DPP10: variants seen among roughly 807,000 people sequenced by gnomAD.
DPP10 encodes the protein inactive dipeptidyl peptidase 10.
DPP10 carries 33 observed loss-of-function variants against 120.9 expected under a neutral mutation model. That is an observed-to-expected ratio of 0.27 (90% CI 0.21 to 0.37). The LOEUF (loss-of-function observed/expected upper bound fraction) is 0.37. Among genes scored for constraint, DPP10 ranks in the 10% least tolerant of loss-of-function variants. DPP10 has a pLI of 1.00. For missense variants in DPP10, 816 were observed against 942.8 expected, an observed-to-expected ratio of 0.87 and a Z score of 1.76; for synonymous variants, 337 against 326.1, an observed-to-expected ratio of 1.03 and a Z score of -0.36.
At chr2:115,676,490 AAGAT>A (rs1435580864) in intron 5 of DPP10, among the ~76,000 whole-genome samples, 1 of 152,214 alleles carries the variant, frequency 6.6e-6, no homozygotes, top group Non-Finnish European at 1.5e-5. Context: ...ATTCAATAAA[AAGAT>A]AGCTGTATTA....
intron 1 of DPP10, among the ~76,000 whole-genome samples, chr2:114,564,624 C>T (rs1029072574): frequency 7.9e-5 from 12 of 151,310 alleles, no homozygotes; most frequent in Admixed American, 7.2e-4. Flanking sequence ...CCACTGGTAC[C>T]AAGGTATTAA....
intron 1 of DPP10, among the ~76,000 whole-genome samples, chr2:114,570,279 G>T (rs754161780): frequency 6.6e-6 from 1 of 152,094 alleles, no homozygotes; most frequent in African/African-American, 2.4e-5. Flanking sequence ...CAGAAAATGT[G>T]GACTGGAAGC....
Position 115,005,779 on chromosome 2 carries a change from T to G in DPP10, c.61-303460T>G, listed in dbSNP as rs1701779244. Among the ~76,000 whole-genome samples, 3 of 152,258 alleles carry G rather than the reference T, an allele frequency of 2.0e-5. No individual in the cohort carries two copies. The South Asian group carries it at 6.2e-4, about 32-fold the overall frequency. On this transcript the variant is annotated intron_variant, in intron 1 of 25. Transcript: ENST00000410059. ...AAGTGATGGGGAGAATGGAACCAAG[T>G]TGGAAAACACTCTGCAGGATATTAT...
chr2:114,830,508 C>T (rs928447814), intron 1 of DPP10, among the ~76,000 whole-genome samples: 2 of 152,176 alleles, frequency 1.3e-5, no homozygotes, highest in Non-Finnish European at 2.9e-5. Context: ...CTTAACTTCG[C>T]CTTTCTATTT....
Position 115,201,771 on chromosome 2 carries a change from AAG to A in DPP10, c.61-107463_61-107462del, listed in dbSNP as rs751458443. On this transcript the variant is annotated intron_variant, in intron 1 of 25. Transcript: ENST00000410059. The stretch of plus-strand genomic sequence containing the variant: ...GCCCCTCCTTCCACAGTGGAGCAGT[AAG>A]AGAGTGAAGGCTTTATGTGTCCTCA... Among the ~76,000 whole-genome samples the A allele has an allele frequency of 8.5e-5, 13 of 152,314 alleles. No individual in the cohort carries two copies. The East Asian group carries it at 2.5e-3, about 29-fold the overall frequency.
At chr2:115,787,632 G>A (rs1683486642) in intron 17 of DPP10, among the ~76,000 whole-genome samples, 2 of 152,072 alleles carry the variant, frequency 1.3e-5, no homozygotes. Flanking sequence ...ATTAGAGTCA[G>A]AATGGGGCAA....
At chr2:114,868,287 T>C (rs552771543) in intron 1 of DPP10, among the ~76,000 whole-genome samples, 3 of 152,342 alleles carry the variant, frequency 2.0e-5, no homozygotes, top group Admixed American at 6.5e-5. Context: ...TCCCATGTTC[T>C]AGTACTAACC....
intron 1 of DPP10, among the ~76,000 whole-genome samples, chr2:114,465,287 C>T (rs1005297228): frequency 2.6e-5 from 4 of 152,244 alleles, no homozygotes; most frequent in African/African-American, 9.6e-5. Flanking sequence ...GAGTGTAGCA[C>T]TCAGTAAATG....
chr2:114,951,148 T>C (rs1697755258), intron 1 of DPP10, among the ~76,000 whole-genome samples: 1 of 152,166 alleles, frequency 6.6e-6, no homozygotes, highest in Non-Finnish European at 1.5e-5. Flanking sequence ...TTAGAAAGCG[T>C]GCCTTCATAA....
chr2:114,568,813 C>A (rs1023546965), intron 1 of DPP10, among the ~76,000 whole-genome samples: 1 of 152,212 alleles, frequency 6.6e-6, no homozygotes, highest in Non-Finnish European at 1.5e-5. Flanking sequence ...TTGCCTTCTG[C>A]ATTCTACCTA....
intron 1 of DPP10, among the ~76,000 whole-genome samples, chr2:115,308,868 T>C (rs1199981526): frequency 6.6e-6 from 1 of 152,000 alleles, no homozygotes; most frequent in Non-Finnish European, 1.5e-5. Context: ...ACATTTACAT[T>C]TACATCTTTA....
chr2:115,645,891 G>C (rs978412550), intron 5 of DPP10, among the ~76,000 whole-genome samples: 2 of 152,128 alleles, frequency 1.3e-5, no homozygotes, highest in Admixed American at 6.6e-5. Flanking sequence ...TTTATATCAT[G>C]ATGACGAGGT....
intron 7 of DPP10, among the ~76,000 whole-genome samples, chr2:115,692,839 A>G (rs559850405): frequency 1.3e-5 from 2 of 152,286 alleles, no homozygotes; most frequent in South Asian, 2.1e-4. Flanking sequence ...ATAAATCTGT[A>G]TATTTCTTAA....
intron 1 of DPP10, among the ~76,000 whole-genome samples, chr2:114,498,229 T>A (rs556054085): frequency 6.6e-6 from 1 of 152,290 alleles, no homozygotes; most frequent in South Asian, 2.1e-4. Context: ...CTGACTATAG[T>A]CACCCTAATG....
At chr2:115,420,274 G>A (rs2069818548) in intron 3 of DPP10, among the ~76,000 whole-genome samples, 1 of 152,128 alleles carries the variant, frequency 6.6e-6, no homozygotes. Context: ...GGTACAAATG[G>A]AGTAGACACA....
At chr2:115,288,959 G>C (rs954960232) in intron 1 of DPP10, among the ~76,000 whole-genome samples, 6 of 152,070 alleles carry the variant, frequency 3.9e-5, no homozygotes, top group Non-Finnish European at 7.4e-5. Context: ...TCATGCAAGA[G>C]AAGGAAATAA....
intron 1 of DPP10, among the ~76,000 whole-genome samples, chr2:114,912,954 C>G (rs570067035): frequency 3.1e-4 from 47 of 152,196 alleles, no homozygotes; most frequent in Non-Finnish European, 6.2e-4. Flanking sequence ...CCATGCTCCT[C>G]TAGGTGGCTT....
Position 115,466,324 on chromosome 2 carries a change from T to C in DPP10, c.272-33186T>C, listed in dbSNP as rs1395177105. Among the ~76,000 whole-genome samples, 4 of 152,196 alleles carry C rather than the reference T, an allele frequency of 2.6e-5. No homozygotes were observed. In the East Asian group the frequency reaches 5.8e-4, roughly 22 times the overall value. On this transcript the variant is annotated intron_variant, in intron 3 of 25. Coordinates refer to ENST00000410059, the MANE Select transcript of DPP10 (RefSeq NM_020868.6). Reference sequence around the variant, plus strand: ...ACAGATCCCATAATTTGGAGCATCATGTAACATTTTGTAGAGCTACTATTC... The same window carrying C: ...ACAGATCCCATAATTTGGAGCATCACGTAACATTTTGTAGAGCTACTATTC...
At chr2:115,800,795 T>C (rs1373629422) in intron 19 of DPP10, among the ~76,000 whole-genome samples, 1 of 152,144 alleles carries the variant, frequency 6.6e-6, no homozygotes, top group East Asian at 1.9e-4. Context: ...TTGGTCTATA[T>C]CTCTGTTTTG....
Sources: allele counts gnomAD v4.1 joint callset (sites outside exome capture counted in the v4.1 genomes callset), GRCh38; gene constraint gnomAD v4.1.1; transcripts MANE v1.5; gene names NCBI Gene and HGNC (gene_info 2026-07-23, HGNC 2026-07-21).